PCDHA6: variants seen among roughly 807,000 people sequenced by gnomAD.
PCDHA6 encodes protocadherin alpha 6.
A neutral mutation model predicts 60.3 loss-of-function variants in PCDHA6; 55 were observed. The observed-to-expected ratio is 0.91, with a 90% confidence interval of 0.73 to 1.14. The LOEUF (loss-of-function observed/expected upper bound fraction) is 1.14, where lower values mean the gene tolerates loss of function less well. Among genes scored for constraint, PCDHA6 ranks in the 50% most tolerant of loss-of-function variants. The pLI is 0.00. For synonymous variants in PCDHA6, 652 were observed against 557.9 expected (o/e 1.17, Z -2.38); for missense variants, 1,327 against 1,256.5 (o/e 1.06, Z -0.85).
intron 3 of PCDHA6, among the ~76,000 whole-genome samples, chr5:140,983,986 G>A (rs1475891501): frequency 2.0e-5 from 3 of 152,176 alleles, no homozygotes; most frequent in African/African-American, 7.2e-5. Context: ...ACGAGTTGAA[G>A]CAATTCATTA....
At chr5:140,831,306 T>C (rs183127470) in intron 1 of PCDHA6, 1 of 152,292 alleles carries the variant, frequency 6.6e-6, no homozygotes, top group Non-Finnish European at 1.5e-5. Flanking sequence ...ATCTATTTCT[T>C]TGTATTAGTG....
At chr5:140,910,959 A>C (rs1188143214) in intron 1 of PCDHA6, among the ~76,000 whole-genome samples, 1 of 151,944 alleles carries the variant, frequency 6.6e-6, no homozygotes, top group African/African-American at 2.4e-5. Flanking sequence ...CGAGTGTAGC[A>C]CACCTCCTCA....
intron 1 of PCDHA6, among the ~76,000 whole-genome samples, chr5:140,833,088 A>G (rs1218866557): frequency 3.3e-5 from 5 of 152,214 alleles, no homozygotes; most frequent in Non-Finnish European, 7.3e-5. Flanking sequence ...TTTGAGTACT[A>G]GACGAGTAAT....
intron 1 of PCDHA6, chr5:140,836,159 G>A (rs2150254425): frequency 6.2e-7 from 1 of 1,613,838 alleles, no homozygotes. Context: ...ATGTGGTGGC[G>A]AAGGTACGTG....
intron 1 of PCDHA6, among the ~76,000 whole-genome samples, chr5:140,969,768 T>G (rs1250957386): frequency 1.3e-5 from 2 of 152,198 alleles, no homozygotes; most frequent in Admixed American, 1.3e-4. Context: ...CTCTGAGGCC[T>G]CTAGGGGCTA....
At chr5:140,897,504 C>T (rs1253239827) in intron 1 of PCDHA6, among the ~76,000 whole-genome samples, 1 of 152,092 alleles carries the variant, frequency 6.6e-6, no homozygotes, top group Non-Finnish European at 1.5e-5. Context: ...CATGTCCCTA[C>T]AAAGGACATG....
At chr5:140,849,336 T>G in intron 1 of PCDHA6, 8 of 1,396,714 alleles carry the variant, frequency 5.7e-6, no homozygotes, top group Non-Finnish European at 6.9e-6. Context: ...TATTTACTCC[T>G]TCTCCAGTGA....
At chr5:140,836,158 C>G in intron 1 of PCDHA6, 1 of 1,613,784 alleles carries the variant, frequency 6.2e-7, no homozygotes, top group Non-Finnish European at 8.5e-7. Context: ...CATGTGGTGG[C>G]GAAGGTACGT....
intron 3 of PCDHA6, among the ~76,000 whole-genome samples, chr5:141,007,031 T>C (rs1554261019): frequency 6.6e-6 from 1 of 152,144 alleles, no homozygotes; most frequent in African/African-American, 2.4e-5. Flanking sequence ...ATGGTATTTA[T>C]ATCTATGGAT....
chr5:140,850,665 T>TCGGCGATGCC, intron 1 of PCDHA6: 1 of 1,598,290 alleles, frequency 6.3e-7, no homozygotes, highest in African/African-American at 1.3e-5. Context: ...GCTGCGGTGC[T>TCGGCGATGCC]CGGCGATGCC....
At chr5:140,951,311 T>G (rs1240303466) in intron 1 of PCDHA6, among the ~76,000 whole-genome samples, 4 of 152,224 alleles carry the variant, frequency 2.6e-5, no homozygotes, top group African/African-American at 9.6e-5. Context: ...ATTAATGTGT[T>G]ATTCTTGAGA....
intron 1 of PCDHA6, among the ~76,000 whole-genome samples, chr5:140,924,429 A>G (rs1331551212): frequency 6.6e-6 from 1 of 152,184 alleles, no homozygotes; most frequent in Non-Finnish European, 1.5e-5. Flanking sequence ...CTAGTTCCCT[A>G]GAAGAGATAA....
intron 1 of PCDHA6, among the ~76,000 whole-genome samples, chr5:140,909,491 A>T (rs1031839388): frequency 1.3e-5 from 2 of 152,218 alleles, no homozygotes; most frequent in Non-Finnish European, 2.9e-5. Flanking sequence ...GGAGAGCTGA[A>T]CGGGGATGTG....
intron 1 of PCDHA6, among the ~76,000 whole-genome samples, chr5:140,918,436 A>T (rs2078697265): frequency 6.6e-6 from 1 of 152,092 alleles, no homozygotes; most frequent in Admixed American, 6.6e-5. Context: ...GTTGAATAGG[A>T]GTGGTGACAG....
intron 1 of PCDHA6, among the ~76,000 whole-genome samples, chr5:140,890,818 A>G (rs1170693390): frequency 1.3e-5 from 2 of 152,204 alleles, no homozygotes; most frequent in African/African-American, 4.8e-5. Flanking sequence ...ATTGTTTTAA[A>G]TGTACTTACA....
intron 1 of PCDHA6, chr5:140,857,704 G>A: frequency 6.3e-7 from 1 of 1,597,424 alleles, no homozygotes; most frequent in Non-Finnish European, 8.6e-7. Flanking sequence ...CGCTGCAGGT[G>A]TTCGTGCTGG....
chr5:140,867,947 C>T (rs1197822100), intron 1 of PCDHA6: 3 of 152,114 alleles, frequency 2.0e-5, no homozygotes, highest in East Asian at 1.9e-4. Context: ...TGAACTTCTG[C>T]TCCCAAACCC....
At chr5:140,972,001 A>G (rs2096512667) in intron 1 of PCDHA6, among the ~76,000 whole-genome samples, 1 of 152,202 alleles carries the variant, frequency 6.6e-6, no homozygotes, top group African/African-American at 2.4e-5. Context: ...CAATGTTTAT[A>G]TTCCCTTTTA....
At chr5:140,902,560 G>T (rs558432897) in intron 1 of PCDHA6, among the ~76,000 whole-genome samples, 9 of 152,072 alleles carry the variant, frequency 5.9e-5, no homozygotes, top group Non-Finnish European at 1.2e-4. Flanking sequence ...CCAGATTTTT[G>T]AGGGTTTTTA....
Sources: allele counts gnomAD v4.1 joint callset (sites outside exome capture counted in the v4.1 genomes callset), GRCh38; gene constraint gnomAD v4.1.1; transcripts MANE v1.5; gene names NCBI Gene and HGNC (gene_info 2026-07-23, HGNC 2026-07-21).